Variants in MED27 observed in about 807,000 individuals in gnomAD.
The protein encoded by MED27 is mediator complex subunit 27.
In MED27, 30 loss-of-function variants were observed where a neutral mutation model predicts 38.2. The observed-to-expected ratio is 0.79, with a 90% CI of 0.59 to 1.07. MED27 has a LOEUF of 1.07. Ranked by LOEUF, MED27 falls within the 50% of genes least tolerant of loss-of-function variation. MED27 has a pLI of 0.00. For missense variants in MED27, 289 were observed against 397.5 expected (o/e 0.73, Z 2.32); for synonymous variants, 122 against 153.5 (o/e 0.79, Z 1.52).
At chr9:132,071,349 T>C (rs180852016) in intron 2 of MED27, among the ~76,000 whole-genome samples, 38 of 150,098 alleles carry the variant, frequency 2.5e-4, no homozygotes, top group African/African-American at 8.9e-4. Flanking sequence ...CACACACACA[T>C]ACGTGTAACA....
intron 2 of MED27, among the ~76,000 whole-genome samples, chr9:132,047,110 A>C (rs953769318): frequency 6.6e-6 from 1 of 152,154 alleles, no homozygotes; most frequent in African/African-American, 2.4e-5. Context: ...AAAAGACCAT[A>C]TATCTATATA....
chr9:131,973,457 C>CTTTTTTTTTT (rs747946439), intron 3 of MED27, among the ~76,000 whole-genome samples: 5 of 122,172 alleles, frequency 4.1e-5, no homozygotes, highest in East Asian at 2.3e-4. Flanking sequence ...TTTTTCTTTT[C>CTTTTTTTTTT]TTTTTTTTTT....
chr9:132,060,659 C>A (rs989890567), intron 2 of MED27, among the ~76,000 whole-genome samples: 1 of 152,192 alleles, frequency 6.6e-6, no homozygotes. Flanking sequence ...ATGTTTCAAA[C>A]ATTTCCCAGC....
chr9:131,915,850 G>T (rs1190159146), intron 4 of MED27, among the ~76,000 whole-genome samples: 7 of 152,228 alleles, frequency 4.6e-5, no homozygotes, highest in African/African-American at 1.7e-4. Context: ...AAATGGCCAA[G>T]CAAGGATTTG....
At chr9:132,067,076 A>G (rs1833824904) in intron 2 of MED27, among the ~76,000 whole-genome samples, 1 of 152,268 alleles carries the variant, frequency 6.6e-6, no homozygotes, top group African/African-American at 2.4e-5. Context: ...CAGAGGCTCC[A>G]ATTTCACTCC....
At chr9:132,058,830 T>C (rs1488467985) in intron 2 of MED27, among the ~76,000 whole-genome samples, 1 of 152,214 alleles carries the variant, frequency 6.6e-6, no homozygotes, top group African/African-American at 2.4e-5. Flanking sequence ...ATGTCACTTA[T>C]TCTAAAACCT....
intron 3 of MED27, among the ~76,000 whole-genome samples, chr9:131,980,118 T>C (rs545536840): frequency 6.6e-6 from 1 of 151,732 alleles, no homozygotes; most frequent in South Asian, 2.1e-4. Flanking sequence ...TGTGTATATA[T>C]GTGTGTATAT....
chr9:132,075,117 G>T (rs1834016084), intron 2 of MED27, among the ~76,000 whole-genome samples: 1 of 152,162 alleles, frequency 6.6e-6, no homozygotes, highest in Admixed American at 6.5e-5. Flanking sequence ...AATATAATGT[G>T]AATTGTTTCC....
At position 131,922,136 on chromosome 9, in the gene MED27, C is replaced by T. The variant is rs1830403757; in HGVS notation, c.573+17245G>A. On this transcript the variant is annotated intron_variant, in intron 4 of 7. Coordinates refer to ENST00000292035, the MANE Select transcript of MED27 (RefSeq NM_004269.4). ...TGTATACATATCTAACAAACCTGCACATTGTGCACATGTACCCTAGAACTT... is the reference window on the plus strand; with the variant it reads ...TGTATACATATCTAACAAACCTGCATATTGTGCACATGTACCCTAGAACTT... Among the ~76,000 whole-genome samples, 2 of 151,270 alleles carry T rather than the reference C, an allele frequency of 1.3e-5. 1 individual carries two copies. The highest frequency in any genetic ancestry group is 4.2e-4 in the South Asian group (2 of 4,796).
At chr9:132,023,912 G>A (rs1024837334) in intron 2 of MED27, among the ~76,000 whole-genome samples, 1 of 152,022 alleles carries the variant, frequency 6.6e-6, no homozygotes, top group Non-Finnish European at 1.5e-5. Flanking sequence ...TTTTTTTATT[G>A]ATCATTTTAA....
At chr9:131,959,919 A>C (rs1831179783) in intron 3 of MED27, among the ~76,000 whole-genome samples, 1 of 152,170 alleles carries the variant, frequency 6.6e-6, no homozygotes, top group African/African-American at 2.4e-5. Context: ...TGTAACTAGA[A>C]GGAACTATTG....
chr9:132,064,590 C>T (rs970552013), intron 2 of MED27, among the ~76,000 whole-genome samples: 6 of 152,162 alleles, frequency 3.9e-5, no homozygotes, highest in African/African-American at 1.4e-4. Context: ...AGAGCACAGC[C>T]TTAGGCTAGA....
chr9:131,998,815 GGAA>G (rs1832155481), intron 3 of MED27, among the ~76,000 whole-genome samples: 1 of 152,100 alleles, frequency 6.6e-6, no homozygotes, highest in Admixed American at 6.5e-5. Context: ...TTAACTGACA[GGAA>G]GAAGGAGGGA....
intron 3 of MED27, among the ~76,000 whole-genome samples, chr9:131,963,013 A>G (rs2131000735): frequency 6.6e-6 from 1 of 152,326 alleles, no homozygotes; most frequent in East Asian, 1.9e-4. Context: ...GTTTGCAAGA[A>G]AGTTTCTAAT....
chr9:131,953,092 G>A (rs575858437), intron 3 of MED27, among the ~76,000 whole-genome samples: 8 of 152,274 alleles, frequency 5.3e-5, no homozygotes, highest in East Asian at 3.9e-4. Context: ...ATTTACATGC[G>A]CTCTGCTTAA....
At chr9:132,057,962 C>T (rs926496169) in intron 2 of MED27, among the ~76,000 whole-genome samples, 58 of 152,076 alleles carry the variant, frequency 3.8e-4, no homozygotes, top group Admixed American at 1.7e-3. Context: ...TATAGTAAAA[C>T]CTAATTTCTA....
At chr9:131,896,423 T>C (rs981896943) in intron 4 of MED27, among the ~76,000 whole-genome samples, 10 of 152,228 alleles carry the variant, frequency 6.6e-5, no homozygotes, top group African/African-American at 2.4e-4. Flanking sequence ...GCCTTTGTAA[T>C]TTAAGTTTCT....
chr9:132,059,318 C>G (rs1014347088), intron 2 of MED27, among the ~76,000 whole-genome samples: 1 of 152,156 alleles, frequency 6.6e-6, no homozygotes, highest in Non-Finnish European at 1.5e-5. Context: ...TACAGACCAG[C>G]CTGGGGGCTT....
At chr9:131,945,678 G>T (rs538454608) in intron 3 of MED27, among the ~76,000 whole-genome samples, 2 of 151,702 alleles carry the variant, frequency 1.3e-5, no homozygotes, top group East Asian at 3.9e-4. Flanking sequence ...AAGTGAGATC[G>T]TGGCCAGGTG....
Sources: allele counts gnomAD v4.1 joint callset (sites outside exome capture counted in the v4.1 genomes callset), GRCh38; gene constraint gnomAD v4.1.1; transcripts MANE v1.5; gene names NCBI Gene and HGNC (gene_info 2026-07-23, HGNC 2026-07-21).